The following MED12L variants were observed in gnomAD, a reference collection of about 807,000 sequenced individuals.
MED12L encodes mediator of RNA polymerase II transcription subunit 12-like protein.
Under a neutral mutation model 281.3 loss-of-function variants are expected in MED12L, and 60 were observed. That is an observed-to-expected ratio of 0.21 (90% CI 0.17 to 0.26). The LOEUF (loss-of-function observed/expected upper bound fraction) is 0.26, where lower values mean the gene tolerates loss of function less well. MED12L is among the 10% of genes least tolerant of loss of function. The pLI, the probability that MED12L is intolerant of heterozygous loss-of-function variation, is 1.00. For synonymous variants in MED12L, 974 were observed against 987.2 expected, an observed-to-expected ratio of 0.99 and a Z score of 0.25; for missense variants, 2,146 against 2,680.9, an observed-to-expected ratio of 0.80 and a Z score of 4.41.
chr3:151,321,808 C>G (rs895026183), intron 16 of MED12L, among the ~76,000 whole-genome samples: 1 of 151,900 alleles, frequency 6.6e-6, no homozygotes, highest in East Asian at 1.9e-4. Context: ...CTTTTTCTTT[C>G]CCTTTTATCA....
At chr3:151,413,717 A>G (rs372084239) in intron 42 of MED12L, among the ~76,000 whole-genome samples, 28 of 152,320 alleles carry the variant, frequency 1.8e-4, no homozygotes, top group Admixed American at 1.0e-3. Flanking sequence ...AAACATTTCT[A>G]TAACACCTCT....
intron 16 of MED12L, among the ~76,000 whole-genome samples, chr3:151,297,383 AG>A (rs1745241167): frequency 6.6e-6 from 1 of 152,176 alleles, no homozygotes; most frequent in Non-Finnish European, 1.5e-5. Flanking sequence ...TTAAATGATT[AG>A]CAGTCACTTT....
chr3:151,108,885 T>A (rs1482904474), intron 2 of MED12L, among the ~76,000 whole-genome samples: 1 of 152,158 alleles, frequency 6.6e-6, no homozygotes, highest in Non-Finnish European at 1.5e-5. Flanking sequence ...CAAAAGAGCT[T>A]AAGAAATTCC....
intron 2 of MED12L, among the ~76,000 whole-genome samples, chr3:151,088,284 AG>A (rs1314995380): frequency 6.6e-6 from 1 of 152,214 alleles, no homozygotes; most frequent in Non-Finnish European, 1.5e-5. Flanking sequence ...GGTGGTTTCC[AG>A]CACCAGCTTT....
chr3:151,281,140 G>T (rs558353167), intron 16 of MED12L, among the ~76,000 whole-genome samples: 93 of 148,310 alleles, frequency 6.3e-4, no homozygotes, highest in African/African-American at 2.2e-3. Flanking sequence ...TGTAATCTCA[G>T]CAGTTTGGGA....
chr3:151,157,000 C>T (rs139721102), intron 6 of MED12L, among the ~76,000 whole-genome samples: 1 of 152,192 alleles, frequency 6.6e-6, no homozygotes, highest in Non-Finnish European at 1.5e-5. Context: ...TTTCATGCTC[C>T]TCTTCTAAGA....
chr3:151,337,229 TA>T (rs1053068621), intron 16 of MED12L, among the ~76,000 whole-genome samples: 2 of 152,094 alleles, frequency 1.3e-5, no homozygotes, highest in African/African-American at 4.8e-5. Context: ...TAAATAAACA[TA>T]AAAAATTAAG....
intron 16 of MED12L, 37 bp from the exon 17 acceptor site, chr3:151,350,022 C>A: frequency 6.3e-7 from 1 of 1,594,314 alleles, no homozygotes; most frequent in Non-Finnish European, 8.6e-7. Flanking sequence ...CCCACCCCTG[C>A]AGACAAGAGT....
chr3:151,169,614 A>G (rs910193838), intron 11 of MED12L, among the ~76,000 whole-genome samples: 5 of 152,224 alleles, frequency 3.3e-5, no homozygotes, highest in Non-Finnish European at 7.3e-5. Flanking sequence ...TTTGAGAATT[A>G]TAAGGCACTA....
intron 16 of MED12L, among the ~76,000 whole-genome samples, chr3:151,225,178 C>A (rs1730243179): frequency 1.3e-5 from 2 of 152,126 alleles, no homozygotes; most frequent in South Asian, 4.1e-4. Flanking sequence ...AAGTCATAGA[C>A]CTGTCCAGGG....
Position 151,194,852 on chromosome 3 carries a change from G to T in MED12L, c.2250+1186G>T, listed in dbSNP as rs561442962. Among the ~76,000 whole-genome samples the T allele has an allele frequency of 2.2e-3, 341 of 152,006 alleles. 1 individual carries two copies. The highest frequency in any genetic ancestry group is 4.0e-3 in the Non-Finnish European group (269 of 67,928). ...TTCAGGGAGTCATTTTTTTCATTGG[G>T]TGTTACTTTTACATATAAAAAGCAT... On this transcript the variant is annotated intron_variant, in intron 16 of 44. Transcript: ENST00000687756.
At chr3:151,407,367 A>G (rs923140424) in intron 39 of MED12L, among the ~76,000 whole-genome samples, 2 of 152,224 alleles carry the variant, frequency 1.3e-5, no homozygotes, top group African/African-American at 2.4e-5. Flanking sequence ...TAAACTACCT[A>G]TAGATCCCTA....
At chr3:151,248,986 A>G (rs1012711986) in intron 16 of MED12L, 2 of 152,206 alleles carry the variant, frequency 1.3e-5, no homozygotes, top group African/African-American at 4.8e-5. Flanking sequence ...ACCAGTGGGA[A>G]ACACTGCATT....
In MED12L at chr3:151,092,561, C is replaced by G. The variant is rs367627834; in HGVS notation, c.99+5536C>G. Among the ~76,000 whole-genome samples the G allele has an allele frequency of 2.6e-5, 4 of 152,152 alleles. No individual in the cohort carries two copies. The South Asian group carries it at 8.3e-4, about 32-fold the overall frequency. ...CAATGCTTGGTTTATTTTGGTAACT[C>G]CTGTTAGTTTTCTTGTTAGCATCGA... On this transcript the variant is annotated intron_variant, in intron 2 of 44. Transcript: ENST00000687756.
chr3:151,155,531 T>A (rs566412289), intron 5 of MED12L, among the ~76,000 whole-genome samples: 14 of 152,326 alleles, frequency 9.2e-5, no homozygotes, highest in African/African-American at 3.1e-4. Context: ...ATCCAGATGA[T>A]TGTCCTGAGG....
rs868539068 is a variant in MED12L, at chr3:151,425,745, A to G, written c.6409-4554A>G. 36 of 456,684 alleles carry G rather than the reference A, an allele frequency of 7.9e-5. No individual in the cohort carries two copies. In the Middle Eastern group the frequency reaches 9.2e-3, roughly 117 times the overall value. The allele number at this position is 456,684 out of a possible 1,614,324, so 28.3% of individuals were successfully genotyped here. ...GAGAAGTAAAAATCCAGAATCCTAGAGAGAGAAGCAATTATCATGTTAAAC... is the reference window on the plus strand; with the variant it reads ...GAGAAGTAAAAATCCAGAATCCTAGGGAGAGAAGCAATTATCATGTTAAAC... On this transcript the variant is annotated intron_variant, in intron 43 of 44. Coordinates refer to ENST00000687756, the MANE Select transcript of MED12L (RefSeq NM_001393769.1).
At chr3:151,332,112 G>C (rs1256195903) in intron 16 of MED12L, among the ~76,000 whole-genome samples, 1 of 152,214 alleles carries the variant, frequency 6.6e-6, no homozygotes, top group African/African-American at 2.4e-5. Context: ...AGTGTGATCA[G>C]AAGGGATACA....
intron 16 of MED12L, among the ~76,000 whole-genome samples, chr3:151,268,958 G>A (rs1170349265): frequency 1.3e-5 from 2 of 152,178 alleles, no homozygotes. Flanking sequence ...CGAGAAAGAA[G>A]AATTGTGGTC....
intron 9 of MED12L, among the ~76,000 whole-genome samples, chr3:151,164,563 A>G (rs1720433920): frequency 6.6e-6 from 1 of 152,214 alleles, no homozygotes; most frequent in Admixed American, 6.5e-5. Flanking sequence ...TGTTTATTGC[A>G]GCACTATTCG....
Sources: gnomAD v4.1 joint callset for allele counts (sites outside exome capture counted in the v4.1 genomes callset) on GRCh38, gnomAD v4.1.1 for gene constraint, MANE v1.5 for transcripts, NCBI Gene and HGNC (gene_info 2026-07-23, HGNC 2026-07-21) for gene names.